The following LRTM3 variants were observed in gnomAD, a reference collection of about 807,000 sequenced individuals.
The protein encoded by LRTM3 is leucine-rich repeat transmembrane protein 3.
At chr13:102,735,905 T>C in the LRTM3 span, 4 of 1,539,508 alleles carry the variant, frequency 2.6e-6, no homozygotes, top group Non-Finnish European at 2.6e-6. Context: ...CTTTTTGCTT[T>C]CCTGTACTCC....
chr13:102,752,721 T>C, the LRTM3 span, among the ~76,000 whole-genome samples: 1 of 152,232 alleles, frequency 6.6e-6, no homozygotes, highest in Non-Finnish European at 1.5e-5. Context: ...CTAAAATTCA[T>C]ATGTTGAAGT....
the LRTM3 span, chr13:102,746,987 T>C: frequency 5.2e-6 from 8 of 1,551,138 alleles, no homozygotes; most frequent in Non-Finnish European, 6.1e-6. Context: ...GATTGGTTGA[T>C]GCATTTCTTT....
At chr13:102,734,070 C>A in the LRTM3 span, 1 of 1,551,430 alleles carries the variant, frequency 6.4e-7, no homozygotes, top group Non-Finnish European at 8.7e-7. Flanking sequence ...CATGCTTCAT[C>A]TTTATCTTTG....
the LRTM3 span, chr13:102,735,324 C>T: frequency 6.4e-7 from 1 of 1,551,256 alleles, no homozygotes; most frequent in Non-Finnish European, 8.7e-7. Flanking sequence ...CTTGAAAGTT[C>T]TCCATGGGTT....
the LRTM3 span, chr13:102,743,867 TTA>T: frequency 6.4e-7 from 1 of 1,550,654 alleles, no homozygotes; most frequent in Non-Finnish European, 8.7e-7. Context: ...CCTCTGGTTT[TTA>T]GAGTCAGATA....
At chr13:102,733,807 G>T in the LRTM3 span, 1 of 1,551,432 alleles carries the variant, frequency 6.4e-7, no homozygotes, top group Non-Finnish European at 8.7e-7. Flanking sequence ...CGCTGATCAT[G>T]AAGTTTGAGG....
the LRTM3 span, chr13:102,741,409 G>T: frequency 1.3e-6 from 2 of 1,550,236 alleles, no homozygotes; most frequent in Non-Finnish European, 1.7e-6. Context: ...CAGGCACTTT[G>T]TGCTGTACCT....
At chr13:102,735,835 A>G in the LRTM3 span, 3 of 1,541,722 alleles carry the variant, frequency 1.9e-6, no homozygotes, top group South Asian at 2.4e-5. Flanking sequence ...TAGTGTCACA[A>G]TTCAGGTAAA....
the LRTM3 span, chr13:102,758,722 C>G: frequency 1.3e-6 from 2 of 1,548,832 alleles, no homozygotes; most frequent in African/African-American, 2.7e-5. Context: ...TCTGAACTAC[C>G]CTTTTCAGGA....
At chr13:102,743,005 C>T in the LRTM3 span, 1 of 1,544,818 alleles carries the variant, frequency 6.5e-7, no homozygotes. Flanking sequence ...TTTCTGAATT[C>T]CCTTTGTAAA....
the LRTM3 span, among the ~76,000 whole-genome samples, chr13:102,755,901 ATGTG>A: frequency 4.9e-3 from 483 of 98,692 alleles, 6 homozygotes; most frequent in African/African-American, 0.01. Context: ...ACACATATAT[ATGTG>A]TGTGTGTGTG....
the LRTM3 span, chr13:102,748,315 T>G: frequency 1.2e-5 from 19 of 1,551,188 alleles, no homozygotes; most frequent in South Asian, 2.1e-4. Flanking sequence ...GATTTACACT[T>G]TCTGTATTCA....
At chr13:102,740,208 A>T in the LRTM3 span, 3 of 1,548,706 alleles carry the variant, frequency 1.9e-6, no homozygotes, top group Non-Finnish European at 2.6e-6. Flanking sequence ...CCATCTGATG[A>T]TTTCATTCCT....
the LRTM3 span, chr13:102,734,476 C>A: frequency 6.4e-7 from 1 of 1,551,322 alleles, no homozygotes; most frequent in Non-Finnish European, 8.7e-7. Context: ...TTCGTCCTTG[C>A]CCTCCAATGT....
chr13:102,731,340 T>C, the LRTM3 span: 1 of 1,551,436 alleles, frequency 6.4e-7, no homozygotes, highest in African/African-American at 1.4e-5. Flanking sequence ...CTGTTATCTT[T>C]TGAAATAGTC....
the LRTM3 span, chr13:102,745,059 T>A: frequency 1.3e-6 from 2 of 1,550,848 alleles, no homozygotes; most frequent in Non-Finnish European, 1.7e-6. Flanking sequence ...CATTTCTTTG[T>A]CTCCTCTCTT....
At chr13:102,747,307 A>T in the LRTM3 span, 1 of 1,549,476 alleles carries the variant, frequency 6.5e-7, no homozygotes, top group Non-Finnish European at 8.7e-7. Flanking sequence ...CTGCAATTTT[A>T]TCTTGCAGTA....
chr13:102,740,309 A>T, the LRTM3 span: 1 of 1,550,252 alleles, frequency 6.5e-7, no homozygotes, highest in Non-Finnish European at 8.7e-7. Flanking sequence ...CCTTGGAGAA[A>T]TCAAGGGCAC....
At chr13:102,736,166 G>A in the LRTM3 span, 1 of 1,546,164 alleles carries the variant, frequency 6.5e-7, no homozygotes, top group Non-Finnish European at 8.7e-7. Flanking sequence ...AGGAAGCTTT[G>A]GTTGTGAAGG....
Sources: gnomAD v4.1 joint callset for allele counts (sites outside exome capture counted in the v4.1 genomes callset) on GRCh38, gnomAD v4.1.1 for gene constraint, MANE v1.5 for transcripts, NCBI Gene and HGNC (gene_info 2026-07-23, HGNC 2026-07-21) for gene names.